The following DPP6 variants were observed in gnomAD, a reference collection of about 807,000 sequenced individuals.
The protein encoded by DPP6 is A-type potassium channel modulatory protein DPP6.
A neutral mutation model predicts 122.6 loss-of-function variants in DPP6; 69 were observed. The observed-to-expected ratio is 0.56, with a 90% confidence interval of 0.46 to 0.69. DPP6 has a LOEUF of 0.69. DPP6 is among the 30% of genes least tolerant of loss of function. The pLI is 0.00. For synonymous variants in DPP6, 418 were observed against 433.1 expected, an observed-to-expected ratio of 0.97 and a Z score of 0.43; for missense variants, 928 against 1,116.9, an observed-to-expected ratio of 0.83 and a Z score of 2.41.
intron 14 of DPP6, 45 bp from the exon 15 acceptor site, chr7:154,804,872 T>G (rs1192065849): frequency 2.5e-6 from 4 of 1,577,738 alleles, no homozygotes; most frequent in Non-Finnish European, 3.4e-6. Flanking sequence ...AGTGCAGACG[T>G]GCCTTGGAGC....
At chr7:154,745,951 G>A (rs1221538325) in intron 8 of DPP6, among the ~76,000 whole-genome samples, 1 of 152,162 alleles carries the variant, frequency 6.6e-6, no homozygotes, top group Non-Finnish European at 1.5e-5. Flanking sequence ...TCAACACGAA[G>A]TTTGGAGGGG....
chr7:154,004,419 G>GAGAT (rs1277581683), intron 1 of DPP6, among the ~76,000 whole-genome samples: 3 of 152,014 alleles, frequency 2.0e-5, no homozygotes, highest in African/African-American at 7.2e-5. Context: ...TTTTGGTGGG[G>GAGAT]AGATATCTAT....
chr7:154,381,972 A>C (rs777847535), intron 1 of DPP6, among the ~76,000 whole-genome samples: 12 of 152,014 alleles, frequency 7.9e-5, no homozygotes, highest in Non-Finnish European at 1.5e-4. Flanking sequence ...CTGCAGGTAA[A>C]TCTGGAGGAC....
At chr7:154,547,112 C>T (rs1487982782) in intron 4 of DPP6, among the ~76,000 whole-genome samples, 4 of 152,178 alleles carry the variant, frequency 2.6e-5, no homozygotes, top group East Asian at 1.9e-4. Flanking sequence ...GGCTGGCCCC[C>T]GGGAAGTGGG....
intron 3 of DPP6, among the ~76,000 whole-genome samples, chr7:154,491,838 C>T (rs142079481): frequency 5.3e-5 from 8 of 152,276 alleles, no homozygotes; most frequent in Non-Finnish European, 8.8e-5. Flanking sequence ...CTCTGCCTGC[C>T]GTGACCTTTA....
chr7:154,365,901 T>C (rs1421120476), intron 1 of DPP6, among the ~76,000 whole-genome samples: 1 of 140,100 alleles, frequency 7.1e-6, no homozygotes, highest in Admixed American at 8.1e-5. Context: ...GAGCTTGCAG[T>C]GAGCCGAGAT....
At position 154,540,611 on chromosome 7, in the gene DPP6, A is replaced by T; in HGVS notation, c.537A>T (p.Ile179=). The T allele has an allele frequency of 6.3e-7, 1 of 1,584,500 alleles. No individual in the cohort carries two copies. Residue 179 remains isoleucine, a synonymous_variant, in exon 4 of 26, where the codon ATA becomes ATT. Transcript: ENST00000377770. ...AAACAAATACTTCTACTGTCTTAAT[A>T]GAAGGCAAAAAAATTGTAAGTACTC... ...NVETNTSTVL[I]EGKKIESLRA... is the part of the protein sequence containing the mutation.
intron 1 of DPP6, among the ~76,000 whole-genome samples, chr7:154,044,902 C>CT (rs67830933): frequency 0.32 from 48,408 of 151,760 alleles, 8,161 homozygotes; most frequent in Middle Eastern, 0.41. Context: ...GAAAGTAAGG[C>CT]TTTTTTTTCT....
At chr7:154,141,672 G>A (rs571250878) in intron 1 of DPP6, among the ~76,000 whole-genome samples, 124 of 152,350 alleles carry the variant, frequency 8.1e-4, no homozygotes, top group African/African-American at 2.9e-3. Flanking sequence ...CCCCCACGCA[G>A]CTCATGCAGA....
chr7:154,051,245 T>G (rs57132253), upstream of DPP6, among the ~76,000 whole-genome samples: 30,013 of 98,696 alleles, frequency 0.3, 8,460 homozygotes, highest in African/African-American at 0.33. Flanking sequence ...ATGGGCAGGG[T>G]CGGGTCTCAC....
At chr7:153,826,173 C>T in the DPP6 span, among the ~76,000 whole-genome samples, 3 of 152,068 alleles carry the variant, frequency 2.0e-5, no homozygotes, top group Non-Finnish European at 4.4e-5. Context: ...CAAGGAAGAA[C>T]AAAGCTTCAG....
At chr7:154,246,737 T>C (rs1037644807) in intron 1 of DPP6, among the ~76,000 whole-genome samples, 3 of 152,144 alleles carry the variant, frequency 2.0e-5, no homozygotes, top group East Asian at 1.9e-4. Context: ...CATACACATA[T>C]ACAACCATTG....
chr7:154,849,715 T>C (rs994059279), intron 16 of DPP6, among the ~76,000 whole-genome samples: 1 of 152,208 alleles, frequency 6.6e-6, no homozygotes, highest in African/African-American at 2.4e-5. Context: ...TGAATAAAAG[T>C]GGTGAGAGTG....
intron 5 of DPP6, among the ~76,000 whole-genome samples, chr7:154,614,876 C>T (rs1834135661): frequency 2.0e-5 from 3 of 152,210 alleles, no homozygotes; most frequent in Non-Finnish European, 4.4e-5. Flanking sequence ...ATGTTGTTGT[C>T]TTCCAATTCC....
At chr7:154,666,200 TACAC>T (rs1554429582) in intron 6 of DPP6, among the ~76,000 whole-genome samples, 1 of 102,504 alleles carries the variant, frequency 9.8e-6, no homozygotes, top group African/African-American at 3.0e-5. Context: ...TATATATATA[TACAC>T]ATATACATAC....
At chr7:154,026,915 A>G (rs890242847) in intron 1 of DPP6, 1 of 151,130 alleles carries the variant, frequency 6.6e-6, no homozygotes, top group Non-Finnish European at 1.5e-5. Context: ...ATATAAACAA[A>G]TGAGATACCT....
chr7:153,788,804 A>T, the DPP6 span, among the ~76,000 whole-genome samples: 1 of 152,096 alleles, frequency 6.6e-6, no homozygotes, highest in Non-Finnish European at 1.5e-5. Flanking sequence ...TCTCTACTAA[A>T]AATACAAAAC....
At chr7:154,206,569 C>T (rs1799460999) in intron 1 of DPP6, among the ~76,000 whole-genome samples, 1 of 152,198 alleles carries the variant, frequency 6.6e-6, no homozygotes, top group Non-Finnish European at 1.5e-5. Flanking sequence ...CCTTTCTTCA[C>T]TATGACCTCA....
chr7:154,606,147 G>A (rs2130787868), intron 5 of DPP6, among the ~76,000 whole-genome samples: 1 of 119,538 alleles, frequency 8.4e-6, no homozygotes, highest in African/African-American at 2.6e-5. Flanking sequence ...CCTTCAATTG[G>A]CCACTGGCTT....
Sources: gnomAD v4.1 joint callset for allele counts (sites outside exome capture counted in the v4.1 genomes callset) on GRCh38, gnomAD v4.1.1 for gene constraint, MANE v1.5 for transcripts, NCBI Gene and HGNC (gene_info 2026-07-23, HGNC 2026-07-21) for gene names.